CNTN5: variants seen among roughly 807,000 people sequenced by gnomAD.
CNTN5 encodes contactin 5, also known as contactin-5.
Under a neutral mutation model 129.1 loss-of-function variants are expected in CNTN5, and 77 were observed. The observed-to-expected ratio is 0.60, with a 90% CI of 0.50 to 0.72. The LOEUF (loss-of-function observed/expected upper bound fraction) is 0.72, where lower values mean the gene tolerates loss of function less well. CNTN5 is among the 30% of genes least tolerant of loss of function. The pLI is 0.00. For missense variants in CNTN5, 1,478 were observed against 1,328.8 expected, an observed-to-expected ratio of 1.11 and a Z score of -1.75; for synonymous variants, 509 against 465.6, an observed-to-expected ratio of 1.09 and a Z score of -1.20.
chr11:99,464,129 C>T (rs766758303), intron 2 of CNTN5, among the ~76,000 whole-genome samples: 9 of 152,172 alleles, frequency 5.9e-5, no homozygotes, highest in Admixed American at 2.0e-4. Flanking sequence ...CACATTGTGG[C>T]TTATCCAGCA....
At chr11:100,091,423 T>TC (rs1944778161) in intron 13 of CNTN5, among the ~76,000 whole-genome samples, 1 of 132,346 alleles carries the variant, frequency 7.6e-6, no homozygotes, top group Non-Finnish European at 1.6e-5. Flanking sequence ...TTTTATTTAT[T>TC]CTTTTTTTTT....
chr11:99,319,888 C>A (rs563314971), intron 1 of CNTN5, among the ~76,000 whole-genome samples: 1 of 152,052 alleles, frequency 6.6e-6, no homozygotes, highest in Admixed American at 6.6e-5. Flanking sequence ...AAGAAACAGA[C>A]CTGAGATATA....
chr11:99,722,898 A>G (rs1943219836), intron 3 of CNTN5, among the ~76,000 whole-genome samples: 1 of 152,040 alleles, frequency 6.6e-6, no homozygotes, highest in African/African-American at 2.4e-5. Flanking sequence ...CAGTCGTGTC[A>G]TCAATCATCC....
At chr11:99,726,133 G>T (rs1490499339) in intron 3 of CNTN5, among the ~76,000 whole-genome samples, 1 of 151,932 alleles carries the variant, frequency 6.6e-6, no homozygotes, top group Non-Finnish European at 1.5e-5. Flanking sequence ...TCTATCTCTG[G>T]GGCCACATCC....
At chr11:99,472,865 T>A (rs1438361609) in intron 2 of CNTN5, among the ~76,000 whole-genome samples, 1 of 152,142 alleles carries the variant, frequency 6.6e-6, no homozygotes, top group Non-Finnish European at 1.5e-5. Context: ...TTCAAGTTCA[T>A]CTCTAGAAAA....
Position 99,819,580 on chromosome 11 carries a change from A to C in CNTN5, c.92A>C (p.Tyr31Ser), listed in dbSNP as rs764432285. 1 of 1,612,854 alleles carries C rather than the reference A, an allele frequency of 6.2e-7. No homozygotes were observed. The highest frequency in any genetic ancestry group is 8.5e-7 in the Non-Finnish European group (1 of 1,179,794). ...TCTCTTCCTGGTCTCTCCACTTCATATGCTGCTTTGTTAAGAATTAAGAAG... is the reference window on the plus strand; with the variant it reads ...TCTCTTCCTGGTCTCTCCACTTCATCTGCTGCTTTGTTAAGAATTAAGAAG... ...SKSLPGLSTS[Y>S]AALLRIKKSS... Residue 31 changes from tyrosine to serine, a missense_variant, in exon 4 of 25, where the codon TAT (tyrosine) becomes TCT (serine). Transcript: ENST00000524871.
intron 2 of CNTN5, among the ~76,000 whole-genome samples, chr11:99,432,429 C>CCTTTTCTTTCCTTTT (rs1943410719): frequency 8.0e-6 from 1 of 125,366 alleles, no homozygotes; most frequent in South Asian, 2.5e-4. Context: ...CTTTTCTTTT[C>CCTTTTCTTTCCTTTT]CTTTTCTTTC....
In CNTN5 at chr11:99,642,610, T is replaced by C. The variant is rs565639730; in HGVS notation, c.55+86341T>C. On this transcript the variant is annotated intron_variant, in intron 3 of 24. Coordinates refer to ENST00000524871, the MANE Select transcript of CNTN5 (RefSeq NM_014361.4). ...CTCAAATACTTGGCATTTCTTTTGGTAAGAACTTTCAAAGTCTGCTAGCTA... is the reference window on the plus strand; with the variant it reads ...CTCAAATACTTGGCATTTCTTTTGGCAAGAACTTTCAAAGTCTGCTAGCTA... Among the ~76,000 whole-genome samples, 8 of 152,330 alleles carry C rather than the reference T, an allele frequency of 5.3e-5. No individual in the cohort carries two copies. The East Asian group carries it at 9.7e-4, about 18-fold the overall frequency.
At chr11:99,245,762 A>C (rs1861784392) in intron 1 of CNTN5, among the ~76,000 whole-genome samples, 1 of 152,178 alleles carries the variant, frequency 6.6e-6, no homozygotes, top group Admixed American at 6.6e-5. Flanking sequence ...TTTCAGCACT[A>C]TTGACATTTG....
chr11:100,017,002 A>G (rs938027907), intron 9 of CNTN5, among the ~76,000 whole-genome samples: 2 of 151,882 alleles, frequency 1.3e-5, no homozygotes, highest in Non-Finnish European at 2.9e-5. Flanking sequence ...CGATGAGAAC[A>G]TATGTCTGCT....
At chr11:100,183,809 A>T (rs1313265370) in intron 13 of CNTN5, among the ~76,000 whole-genome samples, 1 of 152,150 alleles carries the variant, frequency 6.6e-6, no homozygotes, top group Non-Finnish European at 1.5e-5. Flanking sequence ...AAATGTTAAT[A>T]GCTTCCCATT....
At chr11:100,347,355 T>G (rs1269549873) in intron 23 of CNTN5, among the ~76,000 whole-genome samples, 3 of 152,072 alleles carry the variant, frequency 2.0e-5, no homozygotes, top group Non-Finnish European at 4.4e-5. Flanking sequence ...ATATTCACTC[T>G]AAATAGGAGA....
chr11:100,250,981 T>C (rs1482594199), intron 16 of CNTN5, among the ~76,000 whole-genome samples: 3 of 152,132 alleles, frequency 2.0e-5, no homozygotes, highest in Admixed American at 1.3e-4. Context: ...TGAAACAGAA[T>C]AAATGTAACA....
At chr11:100,184,925 GT>G (rs1948251396) in intron 13 of CNTN5, among the ~76,000 whole-genome samples, 1 of 151,974 alleles carries the variant, frequency 6.6e-6, no homozygotes, top group African/African-American at 2.4e-5. Context: ...CATGGGGGTG[GT>G]TTCCCCCATG....
chr11:99,693,706 T>C (rs1374711201), intron 3 of CNTN5, among the ~76,000 whole-genome samples: 3 of 152,298 alleles, frequency 2.0e-5, no homozygotes, highest in East Asian at 3.9e-4. Flanking sequence ...AATACCAATA[T>C]GTCAGTGGGA....
At chr11:99,375,156 A>C (rs1304807924) in intron 2 of CNTN5, among the ~76,000 whole-genome samples, 3 of 152,038 alleles carry the variant, frequency 2.0e-5, no homozygotes, top group Non-Finnish European at 4.4e-5. Flanking sequence ...CACAAAAAGT[A>C]GCTGGGTGTG....
At position 99,823,510 on chromosome 11, in the gene CNTN5, T is replaced by C. The variant is rs567958861; in HGVS notation, c.277+3745T>C. ...ATATAAACAGATGCTACAGAGAAAA[T>C]CTGAAAAAAAAAGGCAAATGCTGCA... is the stretch of plus-strand genomic sequence containing the variant. On this transcript the variant is annotated intron_variant, in intron 4 of 24. Coordinates refer to ENST00000524871, the MANE Select transcript of CNTN5 (RefSeq NM_014361.4). 1.2e-3 allele frequency among the ~76,000 whole-genome samples: 184 copies of C among 151,772 alleles called. 2 individuals carry two copies. The highest frequency in any genetic ancestry group is 3.4e-3 in the Middle Eastern group (1 of 292).
chr11:99,228,818 C>T (rs1384312619), intron 1 of CNTN5, among the ~76,000 whole-genome samples: 2 of 151,912 alleles, frequency 1.3e-5, no homozygotes, highest in Admixed American at 1.3e-4. Flanking sequence ...TATACATTAA[C>T]TCTTTCTCAC....
chr11:100,324,091 A>G (rs965655692), intron 21 of CNTN5, among the ~76,000 whole-genome samples: 1 of 152,210 alleles, frequency 6.6e-6, no homozygotes, highest in Admixed American at 6.5e-5. Flanking sequence ...AGGAAAACGA[A>G]TATAGATAAA....
Sources: gnomAD v4.1 joint callset for allele counts (sites outside exome capture counted in the v4.1 genomes callset) on GRCh38, gnomAD v4.1.1 for gene constraint, MANE v1.5 for transcripts, NCBI Gene and HGNC (gene_info 2026-07-23, HGNC 2026-07-21) for gene names.